CATSPERE: variants seen among roughly 807,000 people sequenced by gnomAD.
CATSPERE encodes the protein catsper channel auxiliary subunit epsilon, also known as cation channel sperm-associated auxiliary subunit epsilon.
In CATSPERE, 93 loss-of-function variants were observed where a neutral mutation model predicts 114.1. The ratio of observed to expected loss-of-function variants is 0.81; its 90% CI spans 0.69 to 0.97. The LOEUF (loss-of-function observed/expected upper bound fraction) is 0.97, where lower values mean the gene tolerates loss of function less well. Ranked by LOEUF, CATSPERE falls within the 50% of genes least tolerant of loss-of-function variation. The pLI is 0.00. For synonymous variants in CATSPERE, 341 were observed against 384.1 expected (o/e 0.89, Z 1.31); for missense variants, 1,058 against 1,131.6 (o/e 0.93, Z 0.93).
intron 20 of CATSPERE, among the ~76,000 whole-genome samples, chr1:244,622,147 T>C (rs757451779): frequency 6.6e-6 from 1 of 152,184 alleles, no homozygotes; most frequent in Non-Finnish European, 1.5e-5. Context: ...TGGCAGAGTT[T>C]ACCACTACCA....
intron 10 of CATSPERE, among the ~76,000 whole-genome samples, chr1:244,562,196 C>G (rs1662676340): frequency 6.8e-6 from 1 of 146,622 alleles, no homozygotes; most frequent in Non-Finnish European, 1.5e-5. Flanking sequence ...TTTGTCCAGA[C>G]TTTCAAACAA....
At chr1:244,637,037 T>G (rs936445334) in intron 21 of CATSPERE, among the ~76,000 whole-genome samples, 6 of 152,018 alleles carry the variant, frequency 3.9e-5, no homozygotes, top group African/African-American at 1.5e-4. Context: ...CTCTCTCTCC[T>G]TGGGGAAACC....
At chr1:244,527,605 T>G (rs1678857751) in intron 8 of CATSPERE, among the ~76,000 whole-genome samples, 1 of 152,146 alleles carries the variant, frequency 6.6e-6, no homozygotes, top group African/African-American at 2.4e-5. Flanking sequence ...ATGACGGGAT[T>G]AAGAGATTAA....
intron 6 of CATSPERE, among the ~76,000 whole-genome samples, chr1:244,497,322 T>A (rs1329764163): frequency 6.6e-6 from 1 of 151,698 alleles, no homozygotes; most frequent in Admixed American, 6.6e-5. Context: ...GGTAGAAAAA[T>A]ACAACTGATT....
chr1:244,538,787 C>T (rs1386812910), intron 8 of CATSPERE, among the ~76,000 whole-genome samples: 1 of 152,164 alleles, frequency 6.6e-6, no homozygotes, highest in Non-Finnish European at 1.5e-5. Flanking sequence ...AGTCGTGTCT[C>T]ACCCCACAGG....
At chr1:244,578,572 AAAGT>A (rs1289017136) in intron 11 of CATSPERE, among the ~76,000 whole-genome samples, 1 of 151,890 alleles carries the variant, frequency 6.6e-6, no homozygotes, top group Non-Finnish European at 1.5e-5. Flanking sequence ...TTCTTACAAT[AAAGT>A]AAGCTAGAGA....
At chr1:244,611,039 C>T (rs1670659773) in intron 19 of CATSPERE, among the ~76,000 whole-genome samples, 1 of 152,268 alleles carries the variant, frequency 6.6e-6, no homozygotes, top group East Asian at 1.9e-4. Flanking sequence ...GGATTACAGG[C>T]GTGAGCCACC....
chr1:244,625,669 C>T (rs1302834002), intron 20 of CATSPERE, among the ~76,000 whole-genome samples: 6 of 150,172 alleles, frequency 4.0e-5, no homozygotes, highest in Non-Finnish European at 8.9e-5. Flanking sequence ...CCTTGTGATC[C>T]GCCCACCTTG....
chr1:244,508,739 C>G (rs1675230270), intron 7 of CATSPERE, among the ~76,000 whole-genome samples: 1 of 149,884 alleles, frequency 6.7e-6, no homozygotes, highest in South Asian at 2.1e-4. Flanking sequence ...TGGCTCATAC[C>G]TGTAATCCCA....
At chr1:244,497,992 T>C (rs1179637534) in intron 6 of CATSPERE, among the ~76,000 whole-genome samples, 1 of 151,946 alleles carries the variant, frequency 6.6e-6, no homozygotes, top group African/African-American at 2.4e-5. Flanking sequence ...TCTATGAAAA[T>C]TGCAGTGTAT....
chr1:244,469,866 A>G (rs899538573), intron 2 of CATSPERE, among the ~76,000 whole-genome samples: 5 of 152,196 alleles, frequency 3.3e-5, no homozygotes, highest in African/African-American at 4.8e-5. Flanking sequence ...TAGGATAGGA[A>G]TATACATCAA....
chr1:244,588,305 G>GAA lies in CATSPERE; in HGVS notation c.2086-168_2086-167dup, dbSNP rs1249460168. 4.9e-5 allele frequency among the ~76,000 whole-genome samples: 7 copies of GAA among 142,480 alleles called. 1 individual carries two copies. In the South Asian group the frequency reaches 1.5e-3, roughly 31 times the overall value. 93.5% of individuals were successfully genotyped at this position (142,480 alleles called of 152,430 possible). ...AGCAGTAAAGACAAAAGGAAGGAAA[G>GAA]AAAAAAAAAAGTGATCAAGGAAAGA... On this transcript the variant is annotated intron_variant, in intron 13 of 21. Transcript: ENST00000366534.
At chr1:244,451,540 T>TGG, upstream of CATSPERE, 3 of 1,361,660 alleles carry the variant, frequency 2.2e-6, no homozygotes, top group Non-Finnish European at 3.0e-6. The surrounding 1 kb of genome is among the most constrained non-coding windows in gnomAD (Gnocchi z 6.6). Flanking sequence ...TTTTGGCCAG[T>TGG]GGATCCGGGT....
chr1:244,603,021 T>G (rs1428868288), intron 17 of CATSPERE, among the ~76,000 whole-genome samples: 1 of 152,058 alleles, frequency 6.6e-6, no homozygotes, highest in African/African-American at 2.4e-5. Flanking sequence ...AGGGTAAGCA[T>G]GTTTGAAATT....
At chr1:244,591,521 A>G (rs1667721603) in intron 14 of CATSPERE, among the ~76,000 whole-genome samples, 160 bp from the exon 15 acceptor site, 1 of 152,248 alleles carries the variant, frequency 6.6e-6, no homozygotes. Context: ...TGTTTTAAAA[A>G]CAGAAATGCT....
chr1:244,569,034 A>G (rs12045033), intron 10 of CATSPERE, among the ~76,000 whole-genome samples: 16,898 of 152,080 alleles, frequency 0.11, 1,338 homozygotes, highest in East Asian at 0.41. Context: ...GTGGGTGGCA[A>G]AGACCGTGGG....
At chr1:244,532,799 T>A (rs1452810611) in intron 8 of CATSPERE, among the ~76,000 whole-genome samples, 1 of 152,162 alleles carries the variant, frequency 6.6e-6, no homozygotes, top group Non-Finnish European at 1.5e-5. Flanking sequence ...TTGAGAATGA[T>A]CCATGAGTTC....
chr1:244,553,829 C>T (rs898369337), intron 9 of CATSPERE, among the ~76,000 whole-genome samples: 5 of 152,066 alleles, frequency 3.3e-5, no homozygotes, highest in Non-Finnish European at 7.4e-5. Flanking sequence ...CCCTCCCACG[C>T]ACCCCTCTCC....
At chr1:244,582,306 G>A (rs1666300813) in intron 12 of CATSPERE, among the ~76,000 whole-genome samples, 1 of 152,060 alleles carries the variant, frequency 6.6e-6, no homozygotes, top group Non-Finnish European at 1.5e-5. Context: ...ATGGAATTCT[G>A]TGTGAAGGCA....
Sources: allele counts gnomAD v4.1 joint callset (sites outside exome capture counted in the v4.1 genomes callset), GRCh38; gene constraint gnomAD v4.1.1; non-coding constraint Gnocchi (gnomAD v3.1); transcripts MANE v1.5; gene names NCBI Gene and HGNC (gene_info 2026-07-23, HGNC 2026-07-21).